KAT2B: variants seen among roughly 807,000 people sequenced by gnomAD.
The protein encoded by KAT2B is histone acetyltransferase KAT2B.
A neutral mutation model predicts 105.9 loss-of-function variants in KAT2B; 36 were observed. The ratio of observed to expected loss-of-function variants is 0.34; its 90% CI spans 0.26 to 0.45. The LOEUF is 0.45. Among genes scored for constraint, KAT2B ranks in the 20% least tolerant of loss-of-function variants. The pLI is 1.00. For synonymous variants in KAT2B, 397 were observed against 377.9 expected (o/e 1.05, Z -0.59); for missense variants, 820 against 1,021.6 (o/e 0.80, Z 2.69).
At chr3:20,048,169 A>G (rs531956627) in intron 1 of KAT2B, among the ~76,000 whole-genome samples, 2 of 152,310 alleles carry the variant, frequency 1.3e-5, no homozygotes, top group South Asian at 4.1e-4. Context: ...CAAGCATACA[A>G]AGGAAAAAAT....
intron 11 of KAT2B, among the ~76,000 whole-genome samples, chr3:20,128,126 G>A (rs532729533): frequency 8.5e-4 from 129 of 152,310 alleles, no homozygotes; most frequent in African/African-American, 3.1e-3. Context: ...ACTTTGGGGC[G>A]AGGTACCAGG....
At chr3:20,060,847 A>G (rs1489848320) in intron 1 of KAT2B, among the ~76,000 whole-genome samples, 1 of 152,150 alleles carries the variant, frequency 6.6e-6, no homozygotes, top group African/African-American at 2.4e-5. Context: ...CAGGAGGCTG[A>G]AGTTGGAGGA....
rs556788929 is a variant in KAT2B at position 20,104,506 on chromosome 3, A to T, written c.851+3038A>T. Among the ~76,000 whole-genome samples the T allele has an allele frequency of 3.9e-5, 6 of 152,296 alleles. No individual in the cohort carries two copies. The South Asian group carries it at 1.2e-3, about 32-fold the overall frequency. ...AATTAAAAAAACCACATACCACCAC[A>T]GCATGATGTCTCACTGATACTGATC... is the stretch of plus-strand genomic sequence containing the variant. On this transcript the variant is annotated intron_variant, in intron 5 of 17. Transcript: ENST00000263754.
At chr3:20,077,672 A>G (rs1377021413) in intron 2 of KAT2B, among the ~76,000 whole-genome samples, 2 of 152,192 alleles carry the variant, frequency 1.3e-5, no homozygotes, top group Non-Finnish European at 2.9e-5. Context: ...TTCTACTGGA[A>G]AATTTAAAAA....
chr3:20,146,343 C>G lies in KAT2B; in HGVS notation c.2032C>G (p.Gln678Glu), dbSNP rs1031914529. The change falls in exon 14 of 18, where the codon CAG (glutamine) becomes GAG (glutamate). Residue 678 changes from glutamine to glutamate, a missense_variant. Gln to Glu is a conservative substitution (Grantham distance 29, BLOSUM62 2). Around this residue, in one of 6 missense-constraint regions of KAT2B, gnomAD observed 227 missense variants for 292.9 expected, o/e 0.77. Transcript: ENST00000263754. ...EIIKKLIERK[Q>E]AQIRKVYPGL... Reference sequence around the variant, plus strand: ...AATTAAAAAACTGATTGAAAGAAAACAGGCACAAATTCGAAAAGTTTACCC... The same window carrying G: ...AATTAAAAAACTGATTGAAAGAAAAGAGGCACAAATTCGAAAAGTTTACCC... 12 of 1,610,438 alleles carry G rather than the reference C, an allele frequency of 7.5e-6. No homozygotes were observed. Among genetic ancestry groups the G allele is most frequent in the Non-Finnish European group, 1.0e-5 (12 of 1,177,030 alleles).
chr3:20,108,115 C>T (rs1269597595), intron 5 of KAT2B, among the ~76,000 whole-genome samples: 8 of 152,134 alleles, frequency 5.3e-5, no homozygotes, highest in Non-Finnish European at 1.5e-5. Flanking sequence ...CGGCCAAATC[C>T]AGTGTGTATT....
chr3:20,082,181 C>G (rs979428947), intron 2 of KAT2B, among the ~76,000 whole-genome samples: 2 of 151,896 alleles, frequency 1.3e-5, no homozygotes, highest in African/African-American at 4.8e-5. Flanking sequence ...ATTACAGATG[C>G]CTGCCACCAT....
At chr3:20,061,939 A>ATG (rs1491383834) in intron 1 of KAT2B, among the ~76,000 whole-genome samples, 4 of 103,570 alleles carry the variant, frequency 3.9e-5, no homozygotes, top group Admixed American at 1.2e-4. Flanking sequence ...TATATAAAAC[A>ATG]TAATATATAT....
At chr3:20,083,565 G>T (rs966677974) in intron 2 of KAT2B, among the ~76,000 whole-genome samples, 2 of 152,172 alleles carry the variant, frequency 1.3e-5, no homozygotes, top group Non-Finnish European at 2.9e-5. Flanking sequence ...CATCCCCAAA[G>T]AGCCAGGAGT....
chr3:20,076,684 A>G (rs1698425697), intron 2 of KAT2B, among the ~76,000 whole-genome samples: 1 of 152,200 alleles, frequency 6.6e-6, no homozygotes, highest in Admixed American at 6.6e-5. Flanking sequence ...TATTTGCCAG[A>G]GTATTTTAGC....
At chr3:20,072,972 A>G (rs1698352863) in intron 2 of KAT2B, among the ~76,000 whole-genome samples, 1 of 151,924 alleles carries the variant, frequency 6.6e-6, no homozygotes, top group African/African-American at 2.4e-5. Context: ...TTGAATGTTT[A>G]CTGGTGGTTT....
At position 20,127,465 on chromosome 3, in the gene KAT2B, T is replaced by C; in HGVS notation, c.1665T>C (p.Ile555=). Reference sequence around the variant, plus strand: ...CTTTAATTAAAGATGGCCGTGTTATTGGTGGTATCTGTTTCCGTATGTTCC... The same window carrying C: ...CTTTAATTAAAGATGGCCGTGTTATCGGTGGTATCTGTTTCCGTATGTTCC... The part of the protein sequence containing the change: ...TLALIKDGRV[I]GGICFRMFPS... The change falls in exon 11 of 18, where the codon ATT becomes ATC. Residue 555 remains isoleucine, a synonymous_variant. Transcript: ENST00000263754. 6.2e-7 allele frequency: 1 copy of C among 1,613,078 alleles called. No individual in the cohort carries two copies. The highest frequency in any genetic ancestry group is 1.1e-5 in the South Asian group (1 of 91,074).
In KAT2B at chr3:20,144,276, C is replaced by CTTTTT. The variant is rs761735374; in HGVS notation, c.2005-2014_2005-2010dup. ...GATTTAAGAGATTGCCCTTGGGATT[C>CTTTTT]TTTTTTTTTTTTTTTTTTTTTTTTT... On this transcript the variant is annotated intron_variant, in intron 13 of 17. Transcript: ENST00000263754. 1.7e-3 allele frequency among the ~76,000 whole-genome samples: 154 copies of CTTTTT among 89,380 alleles called. 2 individuals are homozygous for CTTTTT. The highest frequency in any genetic ancestry group is 2.4e-3 in the Non-Finnish European group (109 of 45,836). The allele number at this position is 89,380 out of a possible 152,430, so 58.6% of individuals were successfully genotyped here.
chr3:20,146,499 C>T, intron 14 of KAT2B, 69 bp downstream of exon 14: 1 of 862,466 alleles, frequency 1.2e-6, no homozygotes, highest in African/African-American at 1.7e-5. Context: ...GAAACAATTT[C>T]CAGAATGCAG....
At chr3:20,149,695 A>G (rs992482851) in intron 17 of KAT2B, among the ~76,000 whole-genome samples, 3 of 151,978 alleles carry the variant, frequency 2.0e-5, no homozygotes, top group Admixed American at 6.6e-5. Flanking sequence ...ACACATCTAT[A>G]TGCTTTTCTT....
In KAT2B at chr3:20,083,813, G is replaced by A. The variant is rs111953193; in HGVS notation, c.430+11354G>A. ...AGGACACTAAAGGAATGAATGATGGGCTTGTTGGCAGAAACAGGGCCAGCA... is the reference window on the plus strand; with the variant it reads ...AGGACACTAAAGGAATGAATGATGGACTTGTTGGCAGAAACAGGGCCAGCA... On this transcript the variant is annotated intron_variant, in intron 2 of 17. Transcript: ENST00000263754. Among the ~76,000 whole-genome samples, 50 of 152,274 alleles carry A rather than the reference G, an allele frequency of 3.3e-4. 1 individual carries two copies. The highest frequency in any genetic ancestry group is 1.1e-3 in the African/African-American group (47 of 41,560).
In KAT2B at chr3:20,152,355, C is replaced by G. The variant is rs1699883376; in HGVS notation, c.2329C>G (p.Leu777Val). 1 of 1,612,720 alleles carries G rather than the reference C, an allele frequency of 6.2e-7. No homozygotes were observed. Among genetic ancestry groups the G allele is most frequent in the Non-Finnish European group, 8.5e-7 (1 of 1,179,314 alleles). Residue 777 changes from leucine (L) to valine (V), a missense_variant, in exon 18 of 18, where the codon CTC (leucine) becomes GTC (valine). Coordinates refer to ENST00000263754, the MANE Select transcript of KAT2B (RefSeq NM_003884.5). The stretch of plus-strand genomic sequence containing the variant: ...AGATCTGAAAACCATGAGTGAACGC[C>G]TCAAGAATAGGTACTACGTGTCTAA... ...PMDLKTMSER[L>V]KNRYYVSKKL... is the part of the protein sequence containing the mutation.
chr3:20,137,541 C>CT (rs200097819), intron 12 of KAT2B: 35,735 of 148,780 alleles, frequency 0.24, 6,989 homozygotes, highest in East Asian at 0.62. Flanking sequence ...TCCTCCCTTC[C>CT]TTTTTTTTTT....
chr3:20,086,882 A>G (rs1290576072), intron 2 of KAT2B, among the ~76,000 whole-genome samples: 1 of 125,696 alleles, frequency 8.0e-6, no homozygotes, highest in East Asian at 2.6e-4. Context: ...CCTGGATTCA[A>G]GTCATTCTCC....
Sources: gnomAD v4.1 joint callset for allele counts (sites outside exome capture counted in the v4.1 genomes callset) on GRCh38, gnomAD v4.1.1 for gene constraint, gnomAD v4.1.1 regional missense constraint, MANE v1.5 for transcripts, NCBI Gene and HGNC (gene_info 2026-07-23, HGNC 2026-07-21) for gene names.